CREB3L3: variants seen among roughly 807,000 people sequenced by gnomAD.
CREB3L3 encodes the protein cAMP responsive element binding protein 3 like 3.
A neutral mutation model predicts 44.6 loss-of-function variants in CREB3L3; 40 were observed. The observed-to-expected ratio is 0.90, with a 90% confidence interval of 0.70 to 1.17. The LOEUF is 1.17. Ranked by LOEUF, CREB3L3 falls within the 50% of genes most tolerant of loss-of-function variation. CREB3L3 has a pLI of 0.00. For synonymous variants in CREB3L3, 273 were observed against 256.3 expected (o/e 1.06, Z -0.62); for missense variants, 578 against 595.8 (o/e 0.97, Z 0.31).
chr19:4,155,393 C>G (rs553097245), intron 2 of CREB3L3, among the ~76,000 whole-genome samples: 2 of 148,064 alleles, frequency 1.4e-5, no homozygotes, highest in Admixed American at 6.9e-5. Context: ...GAGTCTCGCT[C>G]TGTTGCCCAG....
Position 4,171,559 on chromosome 19 carries a change from C to A in CREB3L3, c.1072+80C>A. 6.3e-7 allele frequency: 1 copy of A among 1,597,300 alleles called. No homozygotes were observed. The highest frequency in any genetic ancestry group is 8.6e-7 in the Non-Finnish European group (1 of 1,165,062). On this transcript the variant is annotated intron_variant, in intron 9 of 9. Coordinates refer to ENST00000078445, the MANE Select transcript of CREB3L3 (RefSeq NM_032607.3). The surrounding 1 kb of genome is among the most constrained non-coding windows in gnomAD (Gnocchi z 4.9). ...GGGCCTCTGGGGGAGGGGGAGAAGA[C>A]CCCTGTGCCCTTGTTCCCTGAGGCT... is the stretch of plus-strand genomic sequence containing the variant.
chr19:4,156,498 CTTTT>C (rs1031702350), intron 2 of CREB3L3, among the ~76,000 whole-genome samples: 1 of 140,740 alleles, frequency 7.1e-6, no homozygotes, highest in South Asian at 2.3e-4. Context: ...TTTTGTTTTT[CTTTT>C]TTTCTTTTTT....
chr19:4,162,733 A>C (rs2041675913), intron 4 of CREB3L3, among the ~76,000 whole-genome samples: 3 of 151,272 alleles, frequency 2.0e-5, no homozygotes, highest in African/African-American at 4.9e-5. Context: ...AATCCCAGGA[A>C]TTTGGGAGGC....
At chr19:4,167,961 T>TA (rs1568284200) in intron 5 of CREB3L3, among the ~76,000 whole-genome samples, 1 of 139,106 alleles carries the variant, frequency 7.2e-6, no homozygotes, top group Non-Finnish European at 1.6e-5. Context: ...TTTAATTTTT[T>TA]AATTTTAATT....
Position 4,171,056 on chromosome 19 carries a change from T to G in CREB3L3, c.891-35T>G. On this transcript the variant is annotated intron_variant, in intron 7 of 9. Transcript: ENST00000078445. The surrounding 1 kb of genome is among the most constrained non-coding windows in gnomAD (Gnocchi z 4.9). Reference sequence around the variant, plus strand: ...GGACGAGAAGCAGAACCGAGGCCCTTTAGGGCTCAGCGGAGGCCTGCCTGT... The same window carrying G: ...GGACGAGAAGCAGAACCGAGGCCCTGTAGGGCTCAGCGGAGGCCTGCCTGT... The G allele has an allele frequency of 1.3e-6, 2 of 1,566,906 alleles. No homozygotes were observed. The highest frequency in any genetic ancestry group is 1.8e-6 in the Non-Finnish European group (2 of 1,136,982).
chr19:4,165,325 A>G (rs1055640856), intron 5 of CREB3L3, among the ~76,000 whole-genome samples: 5 of 145,766 alleles, frequency 3.4e-5, no homozygotes, highest in African/African-American at 1.3e-4. Context: ...ACGCCACTAC[A>G]CTTGGCTAAT....
In CREB3L3 at chr19:4,171,877, C is replaced by T; in HGVS notation, c.1294C>T (p.Leu432=). The change falls in exon 10 of 10, where the codon CTG becomes TTG. Residue 432 remains leucine (L), a synonymous_variant. Coordinates refer to ENST00000078445, the MANE Select transcript of CREB3L3 (RefSeq NM_032607.3). This position sits in a 1 kb window ranked among gnomAD's most constrained non-coding sequence, Gnocchi z 4.9. ...GGTCCTGAGGAATGCAACAGAGGGG[C>T]TGGGCCAGGTCGCCCTGCTGGACTG... ...TLVLRNATEG[L]GQVALLDWVA... 1.2e-6 allele frequency: 2 copies of T among 1,613,292 alleles called. No individual in the cohort carries two copies. Among genetic ancestry groups the T allele is most frequent in the Non-Finnish European group, 8.5e-7 (1 of 1,179,928 alleles).
intron 7 of CREB3L3, among the ~76,000 whole-genome samples, chr19:4,170,458 A>C (rs1466295170): frequency 6.6e-6 from 1 of 151,950 alleles, no homozygotes; most frequent in African/African-American, 2.4e-5. Flanking sequence ...AAAAATACAA[A>C]AAAATTAGCC....
At chr19:4,169,139 C>T (rs1966987354) in intron 6 of CREB3L3, among the ~76,000 whole-genome samples, 1 of 152,042 alleles carries the variant, frequency 6.6e-6, no homozygotes, top group Non-Finnish European at 1.5e-5. Flanking sequence ...ATTTTACAGA[C>T]ACAAAAGCTG....
chr19:4,163,332 G>GA (rs1215943108), intron 4 of CREB3L3, among the ~76,000 whole-genome samples: 19 of 81,270 alleles, frequency 2.3e-4, no homozygotes, highest in Middle Eastern at 5.7e-3. Context: ...AGAAAGAAAA[G>GA]AAAGAAAGAA....
At chr19:4,167,136 A>C (rs940074881) in intron 5 of CREB3L3, among the ~76,000 whole-genome samples, 2 of 151,990 alleles carry the variant, frequency 1.3e-5, no homozygotes, top group African/African-American at 4.8e-5. Context: ...TGAGGTCAGG[A>C]GTTTGAGACC....
intron 2 of CREB3L3, among the ~76,000 whole-genome samples, chr19:4,156,571 C>A (rs1479113876): frequency 1.4e-5 from 2 of 144,036 alleles, no homozygotes; most frequent in African/African-American, 2.6e-5. Context: ...GTGGCGTGAT[C>A]TCGGCTCACT....
intron 4 of CREB3L3, among the ~76,000 whole-genome samples, chr19:4,162,881 G>A (rs922590612): frequency 1.3e-5 from 2 of 152,190 alleles, no homozygotes. Flanking sequence ...GGAAGCTGAA[G>A]CTGGAGAATC....
chr19:4,171,428 C>T lies in CREB3L3; in HGVS notation c.1021C>T (p.Pro341Ser). The change falls in exon 9 of 10, where the codon CCT (proline) becomes TCT (serine). Residue 341 changes from proline (P) to serine (S), a missense_variant. Pro to Ser is a moderately conservative substitution (Grantham distance 74, BLOSUM62 -1). Coordinates refer to ENST00000078445, the MANE Select transcript of CREB3L3 (RefSeq NM_032607.3). The surrounding 1 kb of genome is among the most constrained non-coding windows in gnomAD (Gnocchi z 4.9). ...FALIILPSIS[P>S]FGPNKTESPG... ...CCTCATCATCCTCCCCTCCATCAGC[C>T]CTTTTGGCCCCAACAAAACCGAGAG... 6.2e-7 allele frequency: 1 copy of T among 1,614,126 alleles called. No homozygotes were observed. Among genetic ancestry groups the T allele is most frequent in the Non-Finnish European group, 8.5e-7 (1 of 1,180,012 alleles).
rs952257310 is a variant in CREB3L3 at position 4,157,125 on chromosome 19, A to G, written c.287A>G (p.Asp96Gly). The change falls in exon 3 of 10, where the codon GAC (aspartate) becomes GGC (glycine). Residue 96 changes from aspartate to glycine, a missense_variant. Transcript: ENST00000078445. ...DSGISEDLPS[D>G]PQDTPPRSGP... Reference sequence around the variant, plus strand: ...GGCATCTCCGAAGACCTCCCCTCCGACCCCCAGGACACCCCTCCACGCAGC... The same window carrying G: ...GGCATCTCCGAAGACCTCCCCTCCGGCCCCCAGGACACCCCTCCACGCAGC... 1 of 1,611,184 alleles carries G rather than the reference A, an allele frequency of 6.2e-7. No homozygotes were observed. Among genetic ancestry groups the G allele is most frequent in the African/African-American group, 1.4e-5 (1 of 73,876 alleles).
intron 2 of CREB3L3, among the ~76,000 whole-genome samples, chr19:4,156,506 CTTTTTTT>C (rs1019504419): frequency 8.2e-6 from 1 of 121,736 alleles, no homozygotes; most frequent in Non-Finnish European, 1.7e-5. Flanking sequence ...TTCTTTTTTT[CTTTTTTT>C]TTTTTTTTTG....
chr19:4,154,784 C>G, intron 1 of CREB3L3, 115 bp from the exon 2 acceptor site: 1 of 1,514,264 alleles, frequency 6.6e-7, no homozygotes, highest in Non-Finnish European at 9.1e-7. Flanking sequence ...CTGGCCCAAC[C>G]CGGAGGCAGA....
rs1204578174 is a variant in CREB3L3 at position 4,154,995 on chromosome 19, C to A, written c.124C>A (p.Leu42Met). 6.2e-7 allele frequency: 1 copy of A among 1,611,550 alleles called. No individual in the cohort carries two copies. Residue 42 changes from leucine to methionine, a missense_variant, in exon 2 of 10, where the codon CTG (leucine) becomes ATG (methionine). Coordinates refer to ENST00000078445, the MANE Select transcript of CREB3L3 (RefSeq NM_032607.3). Reference sequence around the variant, plus strand: ...GGACGGCATCCTGAGACACGTGGAGCTGGGCGAGGGCTGGGGTCACGTCAA... The same window carrying A: ...GGACGGCATCCTGAGACACGTGGAGATGGGCGAGGGCTGGGGTCACGTCAA... ...RQDGILRHVE[L>M]GEGWGHVKDQ...
rs1480501291 is a variant in CREB3L3 at position 4,155,065 on chromosome 19, C to T, written c.156+38C>T. The T allele has an allele frequency of 3.1e-6, 5 of 1,599,880 alleles. No homozygotes were observed. The South Asian group carries it at 4.4e-5, about 14-fold the overall frequency. On this transcript the variant is annotated intron_variant, in intron 2 of 9. Transcript: ENST00000078445. ...CTGCAGTTGCCCCGGGACCACAGAG[C>T]TCCAGGCGGGCCAACTGAGGCCCCA...
Sources: gnomAD v4.1 joint callset for allele counts (sites outside exome capture counted in the v4.1 genomes callset) on GRCh38, gnomAD v4.1.1 for gene constraint, Gnocchi (gnomAD v3.1) non-coding constraint, MANE v1.5 for transcripts, NCBI Gene and HGNC (gene_info 2026-07-23, HGNC 2026-07-21) for gene names.